Variants in LPP observed in about 807,000 individuals in gnomAD.
LPP encodes lipoma-preferred partner.
In LPP, 38 loss-of-function variants were observed where a neutral mutation model predicts 60.4. The ratio of observed to expected loss-of-function variants is 0.63; its 90% CI spans 0.49 to 0.83. LPP has a LOEUF of 0.83. LPP is among the 40% of genes least tolerant of loss of function. The pLI, the probability that LPP is intolerant of heterozygous loss-of-function variation, is 0.00. For synonymous variants in LPP, 328 were observed against 290.8 expected (o/e 1.13, Z -1.30); for missense variants, 902 against 783.6 (o/e 1.15, Z -1.80).
intron 8 of LPP, among the ~76,000 whole-genome samples, chr3:188,729,774 TC>T (rs759124494): frequency 4.6e-5 from 7 of 150,788 alleles, no homozygotes; most frequent in Non-Finnish European, 8.8e-5. Context: ...CCCTGGGAGT[TC>T]AAGACCAGCC....
rs186289549 is a variant in LPP at position 188,552,960 on chromosome 3, C to T, written c.429+28173C>T. Among the ~76,000 whole-genome samples the T allele has an allele frequency of 5.3e-5, 8 of 152,218 alleles. No individual in the cohort carries two copies. In the East Asian group the frequency reaches 1.2e-3, roughly 22 times the overall value. ...TTTAGGAAAGTAGATAAGTTCACAA[C>T]GTTAATGCATGGAGGCTGAGATTGT... On this transcript the variant is annotated intron_variant, in intron 6 of 11. Coordinates refer to ENST00000617246, the MANE Select transcript of LPP (RefSeq NM_001375462.1).
In LPP at chr3:188,175,080, AATTTT is replaced by A. The variant is rs200466063; in HGVS notation, c.-190+20841_-190+20845del. Among the ~76,000 whole-genome samples, 403 of 152,124 alleles carry A rather than the reference AATTTT, an allele frequency of 2.6e-3. 4 individuals are homozygous for A. The highest frequency in any genetic ancestry group is 9.3e-3 in the African/African-American group (384 of 41,512). ...CTCAAATTTAGTTTCTTTAGAGTAG[AATTTT>A]ATTTTATTTTATATTTTTTGAGTCA... On this transcript the variant is annotated intron_variant, in intron 1 of 11. Transcript: ENST00000617246.
intron 1 of LPP, among the ~76,000 whole-genome samples, chr3:188,165,072 G>T (rs1480861946): frequency 6.6e-6 from 1 of 151,980 alleles, no homozygotes; most frequent in African/African-American, 2.4e-5. Context: ...CGGAGTTCAA[G>T]ACCATCCTGG....
At chr3:188,376,024 T>A (rs1057451233) in intron 3 of LPP, among the ~76,000 whole-genome samples, 1 of 152,190 alleles carries the variant, frequency 6.6e-6, no homozygotes, top group Admixed American at 6.5e-5. Context: ...TTTGAGTGAG[T>A]TTCTTAATCC....
intron 3 of LPP, among the ~76,000 whole-genome samples, chr3:188,396,564 A>G (rs1398237860): frequency 6.6e-6 from 1 of 152,190 alleles, no homozygotes; most frequent in Non-Finnish European, 1.5e-5. Context: ...ATGCTAGATA[A>G]CCGTTAAAGA....
chr3:188,564,008 C>T (rs1290440443), intron 6 of LPP, among the ~76,000 whole-genome samples: 1 of 151,842 alleles, frequency 6.6e-6, no homozygotes, highest in Admixed American at 6.6e-5. Flanking sequence ...CTTAAAACAG[C>T]CACGACTCTT....
rs1205307312 is a variant in LPP at position 188,466,804 on chromosome 3, AACATATATATATATATAT to A, written c.194-17786_194-17769del. 4.5e-4 allele frequency among the ~76,000 whole-genome samples: 33 copies of A among 72,954 alleles called. 2 individuals carry two copies. The highest frequency in any genetic ancestry group is 1.8e-3 in the Admixed American group (11 of 5,976). 47.9% of individuals were successfully genotyped at this position (72,954 alleles called of 152,430 possible). On this transcript the variant is annotated intron_variant, in intron 4 of 11. Coordinates refer to ENST00000617246, the MANE Select transcript of LPP (RefSeq NM_001375462.1). ...AAAAAAGTGGTTTCTGTCATCTCAG[AACATATATATATATATAT>A]ATATATATATATATATATATGCTGT...
intron 9 of LPP, among the ~76,000 whole-genome samples, chr3:188,785,527 TATTCCATCATATATATATATACAC>T (rs1741457481): frequency 8.5e-5 from 3 of 35,406 alleles, no homozygotes; most frequent in South Asian, 2.3e-3. Flanking sequence ...TATATATATA[TATTCCATCATATATATATATACAC>T]ACACACACAC....
At chr3:188,475,866 G>A (rs1047491543) in intron 4 of LPP, among the ~76,000 whole-genome samples, 15 of 152,188 alleles carry the variant, frequency 9.9e-5, no homozygotes, top group African/African-American at 3.6e-4. Context: ...TTGCGCCACT[G>A]CAGTCCAGCC....
At chr3:188,279,211 C>G (rs1023088282) in intron 2 of LPP, among the ~76,000 whole-genome samples, 1 of 152,156 alleles carries the variant, frequency 6.6e-6, no homozygotes, top group Non-Finnish European at 1.5e-5. Flanking sequence ...AAGGAAATGG[C>G]GTAGAAGCCA....
intron 9 of LPP, among the ~76,000 whole-genome samples, chr3:188,779,171 A>C (rs1463425011): frequency 6.6e-6 from 1 of 152,180 alleles, no homozygotes; most frequent in Non-Finnish European, 1.5e-5. Context: ...TAGTGCACTT[A>C]TAGAAATTCT....
At chr3:188,571,259 A>G (rs1833476724) in intron 6 of LPP, among the ~76,000 whole-genome samples, 1 of 152,038 alleles carries the variant, frequency 6.6e-6, no homozygotes, top group Non-Finnish European at 1.5e-5. Flanking sequence ...ATAAACATAG[A>G]CACCAATATA....
intron 7 of LPP, among the ~76,000 whole-genome samples, chr3:188,665,748 A>T (rs1855655627): frequency 6.6e-6 from 1 of 152,132 alleles, no homozygotes; most frequent in Non-Finnish European, 1.5e-5. Flanking sequence ...GGCATGAGCC[A>T]CCTCGCCCGG....
chr3:188,627,510 A>C (rs1487357038), intron 7 of LPP, among the ~76,000 whole-genome samples: 1 of 152,194 alleles, frequency 6.6e-6, no homozygotes, highest in South Asian at 2.1e-4. Flanking sequence ...TTCAGAAAAA[A>C]CAGACTGTAA....
At chr3:188,445,417 C>T (rs1794994336) in intron 4 of LPP, among the ~76,000 whole-genome samples, 1 of 152,058 alleles carries the variant, frequency 6.6e-6, no homozygotes, top group Non-Finnish European at 1.5e-5. Flanking sequence ...TATGTTCTCA[C>T]TCATAATTGG....
At chr3:188,159,975 C>T (rs1717714720) in intron 1 of LPP, among the ~76,000 whole-genome samples, 1 of 152,188 alleles carries the variant, frequency 6.6e-6, no homozygotes, top group South Asian at 2.1e-4. Flanking sequence ...TGCAGTGGCG[C>T]AATCTTGGCT....
At chr3:188,637,149 T>A (rs1848990350) in intron 7 of LPP, among the ~76,000 whole-genome samples, 1 of 151,372 alleles carries the variant, frequency 6.6e-6, no homozygotes, top group South Asian at 2.1e-4. Flanking sequence ...AGAACAGAAA[T>A]TATAACAAAC....
chr3:188,831,778 A>G (rs1757196762), intron 9 of LPP, among the ~76,000 whole-genome samples: 2 of 152,228 alleles, frequency 1.3e-5, no homozygotes, highest in Admixed American at 1.3e-4. Flanking sequence ...CTGACTTTCA[A>G]TCAGCTCTCT....
At chr3:188,738,178 G>A (rs1413512351) in intron 8 of LPP, among the ~76,000 whole-genome samples, 1 of 152,032 alleles carries the variant, frequency 6.6e-6, no homozygotes, top group African/African-American at 2.4e-5. Context: ...AAATTCTGTA[G>A]CAAATGAGTC....
Sources: gnomAD v4.1 joint callset for allele counts (sites outside exome capture counted in the v4.1 genomes callset) on GRCh38, gnomAD v4.1.1 for gene constraint, MANE v1.5 for transcripts, NCBI Gene and HGNC (gene_info 2026-07-23, HGNC 2026-07-21) for gene names.